Variants in MARCHF5 observed in about 807,000 individuals in gnomAD.
MARCHF5 encodes membrane associated ring-CH-type finger 5, also known as E3 ubiquitin-protein ligase MARCHF5.
Under a neutral mutation model 36.5 loss-of-function variants are expected in MARCHF5, and 5 were observed. The ratio of observed to expected loss-of-function variants is 0.14; its 90% CI spans 0.07 to 0.29. MARCHF5 has a LOEUF of 0.29. Among genes scored for constraint, MARCHF5 ranks in the 10% least tolerant of loss-of-function variants. The pLI is 1.00. For synonymous variants in MARCHF5, 103 were observed against 109.9 expected (o/e 0.94, Z 0.39); for missense variants, 179 against 336.3 (o/e 0.53, Z 3.66).
intron 3 of MARCHF5, among the ~76,000 whole-genome samples, chr10:92,342,325 T>C (rs1181588750): frequency 6.6e-6 from 1 of 151,478 alleles, no homozygotes; most frequent in Non-Finnish European, 1.5e-5. Context: ...ATTTTTTATT[T>C]TTTGTAGAGA....
At chr10:92,293,373 G>T (rs191214812) in intron 1 of MARCHF5, among the ~76,000 whole-genome samples, 2 of 152,224 alleles carry the variant, frequency 1.3e-5, no homozygotes, top group East Asian at 3.9e-4. Context: ...CAAAGTGCTG[G>T]ATTGTCAGGC....
At chr10:92,336,950 T>C (rs530590590) in intron 2 of MARCHF5, among the ~76,000 whole-genome samples, 2 of 151,874 alleles carry the variant, frequency 1.3e-5, no homozygotes, top group African/African-American at 2.4e-5. Context: ...TGGCAAAACC[T>C]CATCTCTGCA....
At chr10:92,339,570 T>A (rs1455661096) in intron 2 of MARCHF5, among the ~76,000 whole-genome samples, 1 of 152,062 alleles carries the variant, frequency 6.6e-6, no homozygotes, top group African/African-American at 2.4e-5. Context: ...CTCAGGACGC[T>A]GAGGCAGGAA....
chr10:92,353,951 G>T lies in MARCHF5; in HGVS notation c.*2744G>T, dbSNP rs2771256. The T allele has an allele frequency of 0.32, 49,145 of 152,256 alleles. 9,809 individuals are homozygous for T. Among genetic ancestry groups the T allele is most frequent in the South Asian group, 0.57 (2,736 of 4,806 alleles). 9.4% of individuals were successfully genotyped at this position (152,256 alleles called of 1,614,324 possible). A position where few individuals can be genotyped will look rare whatever the true frequency, so the allele number is the denominator to read the frequency against. On this transcript the variant is annotated 3_prime_UTR_variant, in exon 6 of 6. Transcript: ENST00000358935. ...TACTGGCTGGATTAGGTTAAATAAA[G>T]AATTTTTATGTTCTCTAGGTGTACT...
intron 2 of MARCHF5, among the ~76,000 whole-genome samples, chr10:92,315,611 C>T (rs1299202631): frequency 6.6e-6 from 1 of 152,158 alleles, no homozygotes; most frequent in African/African-American, 2.4e-5. Context: ...GTTATCACTC[C>T]TAGTTCACTG....
intron 2 of MARCHF5, among the ~76,000 whole-genome samples, chr10:92,323,566 C>CT (rs1843316516): frequency 6.6e-6 from 1 of 152,176 alleles, no homozygotes. Context: ...TATGCTCCAT[C>CT]TGTTCATCCC....
intron 1 of MARCHF5, among the ~76,000 whole-genome samples, chr10:92,307,346 G>C (rs1683234637): frequency 1.3e-5 from 2 of 152,022 alleles, no homozygotes; most frequent in Non-Finnish European, 2.9e-5. Flanking sequence ...CCTTTGCCCA[G>C]TCCTCATTTC....
chr10:92,349,056 A>G (rs900121035), intron 3 of MARCHF5, among the ~76,000 whole-genome samples: 4 of 152,206 alleles, frequency 2.6e-5, no homozygotes, highest in Non-Finnish European at 5.9e-5. Flanking sequence ...ATAAAGGAAT[A>G]GAAGCAACAA....
Position 92,340,761 on chromosome 10 carries a change from C to T in MARCHF5, c.327C>T (p.Ile109=). The T allele has an allele frequency of 1.2e-6, 2 of 1,613,688 alleles. No homozygotes were observed. Among genetic ancestry groups the T allele is most frequent in the Non-Finnish European group, 1.7e-6 (2 of 1,179,802 alleles). The stretch of plus-strand genomic sequence containing the variant: ...CAGCAGGAATAATGGTCGGCTCTAT[C>T]TATTGGACAGCTGTGACTTATGGAG... ...FAAAGIMVGS[I]YWTAVTYGAV... Residue 109 remains isoleucine (I), a synonymous_variant, in exon 3 of 6, where the codon ATC becomes ATT. Coordinates refer to ENST00000358935, the MANE Select transcript of MARCHF5 (RefSeq NM_017824.5).
At chr10:92,319,701 T>C (rs146256269) in intron 2 of MARCHF5, among the ~76,000 whole-genome samples, 5 of 144,000 alleles carry the variant, frequency 3.5e-5, no homozygotes, top group East Asian at 4.3e-4. Context: ...GTTGCCCAGG[T>C]TGGAGTGCAG....
intron 1 of MARCHF5, among the ~76,000 whole-genome samples, chr10:92,295,387 TTTTA>T (rs1392750581): frequency 6.9e-6 from 1 of 145,200 alleles, no homozygotes; most frequent in Admixed American, 6.9e-5. Flanking sequence ...TGACAACTTC[TTTTA>T]TTTATTTATT....
intron 2 of MARCHF5, among the ~76,000 whole-genome samples, chr10:92,317,550 A>G (rs751491192): frequency 6.6e-6 from 1 of 152,094 alleles, no homozygotes; most frequent in Non-Finnish European, 1.5e-5. Flanking sequence ...TTGTTTAAGT[A>G]TGTAGAATAC....
chr10:92,334,432 T>A (rs1379782161), intron 2 of MARCHF5: 1 of 152,358 alleles, frequency 6.6e-6, no homozygotes, highest in Non-Finnish European at 1.5e-5. Context: ...TTAGAAACTT[T>A]CGCACAACAA....
intron 1 of MARCHF5, among the ~76,000 whole-genome samples, chr10:92,299,359 T>C (rs925201285): frequency 6.6e-6 from 1 of 152,178 alleles, no homozygotes; most frequent in African/African-American, 2.4e-5. Context: ...TGCTTTGATC[T>C]GTTACTATAA....
At chr10:92,342,890 G>A (rs754759417) in intron 3 of MARCHF5, among the ~76,000 whole-genome samples, 2 of 152,226 alleles carry the variant, frequency 1.3e-5, no homozygotes, top group African/African-American at 2.4e-5. Flanking sequence ...AACTGCATAT[G>A]TATCTATGCC....
intron 3 of MARCHF5, among the ~76,000 whole-genome samples, chr10:92,346,487 TC>T (rs1843645234): frequency 1.4e-5 from 2 of 146,178 alleles, no homozygotes; most frequent in African/African-American, 5.0e-5. Context: ...TTGCCCTATT[TC>T]CTTCTTTTTT....
In MARCHF5 at chr10:92,352,699, T is replaced by C. The variant is rs1843733612; in HGVS notation, c.*1492T>C. On this transcript the variant is annotated 3_prime_UTR_variant, in exon 6 of 6. Transcript: ENST00000358935. ...TATGTTAACTTTAGTAATTAAAGAC[T>C]GGTTTCTATAGTATGAATGTCTTAA... is the stretch of plus-strand genomic sequence containing the variant. The C allele has an allele frequency of 6.6e-6, 1 of 152,604 alleles. No homozygotes were observed. The highest frequency in any genetic ancestry group is 2.4e-5 in the African/African-American group (1 of 41,460). The allele number at this position is 152,604 out of a possible 1,614,324, so 9.5% of individuals were successfully genotyped here. A position where few individuals can be genotyped will look rare whatever the true frequency, so the allele number is the denominator to read the frequency against.
At chr10:92,332,007 C>G (rs1843442672) in intron 2 of MARCHF5, among the ~76,000 whole-genome samples, 1 of 146,236 alleles carries the variant, frequency 6.8e-6, no homozygotes, top group Non-Finnish European at 1.5e-5. Context: ...CTGCTTTGAC[C>G]TGAAGTCTTT....
intron 1 of MARCHF5, among the ~76,000 whole-genome samples, chr10:92,299,474 TC>T (rs1165672573): frequency 4.6e-5 from 7 of 152,112 alleles, no homozygotes; most frequent in Non-Finnish European, 8.8e-5. Flanking sequence ...GGTGCCTTCC[TC>T]CCTCCTAACA....
Sources: gnomAD v4.1 joint callset for allele counts (sites outside exome capture counted in the v4.1 genomes callset) on GRCh38, gnomAD v4.1.1 for gene constraint, MANE v1.5 for transcripts, NCBI Gene and HGNC (gene_info 2026-07-23, HGNC 2026-07-21) for gene names.